The following ARHGAP24 variants were observed in gnomAD, a reference collection of about 807,000 sequenced individuals.
The protein encoded by ARHGAP24 is Rho GTPase activating protein 24.
A neutral mutation model predicts 76.4 loss-of-function variants in ARHGAP24; 50 were observed. That is an observed-to-expected ratio of 0.65 (90% confidence interval 0.52 to 0.83). The LOEUF (loss-of-function observed/expected upper bound fraction) is 0.83. Ranked by LOEUF, ARHGAP24 falls within the 40% of genes least tolerant of loss-of-function variation. The pLI, the probability that ARHGAP24 is intolerant of heterozygous loss-of-function variation, is 0.00. For missense variants in ARHGAP24, 930 were observed against 914.2 expected (o/e 1.02, Z -0.22); for synonymous variants, 345 against 323.3 (o/e 1.07, Z -0.72).
chr4:85,492,443 A>G (rs1175014919), intron 1 of ARHGAP24, among the ~76,000 whole-genome samples: 1 of 152,160 alleles, frequency 6.6e-6, no homozygotes, highest in East Asian at 1.9e-4. Flanking sequence ...GGAAATGTAA[A>G]ACCAGATAAG....
chr4:85,504,610 C>T (rs1288829384), intron 1 of ARHGAP24, among the ~76,000 whole-genome samples: 17 of 152,172 alleles, frequency 1.1e-4, no homozygotes, highest in East Asian at 7.7e-4. Context: ...AGCCTATGTG[C>T]GTCTCTGCAC....
intron 2 of ARHGAP24, among the ~76,000 whole-genome samples, chr4:85,636,652 AC>A (rs1721318534): frequency 6.6e-6 from 1 of 151,636 alleles, no homozygotes. Context: ...ACTTATCCTC[AC>A]CCTCTGAAAA....
chr4:85,725,401 G>A (rs1208307370), intron 3 of ARHGAP24, among the ~76,000 whole-genome samples: 1 of 152,164 alleles, frequency 6.6e-6, no homozygotes, highest in Non-Finnish European at 1.5e-5. Context: ...CTGTTGCATA[G>A]GACCTTTTCT....
intron 1 of ARHGAP24, among the ~76,000 whole-genome samples, chr4:85,555,394 G>A (rs1481653765): frequency 2.0e-5 from 3 of 152,220 alleles, no homozygotes; most frequent in African/African-American, 7.2e-5. Flanking sequence ...GTTTCACAGT[G>A]TGGGCAGAAG....
chr4:85,741,369 T>C (rs1169453058), intron 3 of ARHGAP24, among the ~76,000 whole-genome samples: 4 of 152,196 alleles, frequency 2.6e-5, no homozygotes, highest in African/African-American at 9.7e-5. Flanking sequence ...AAAGGGAGGG[T>C]TTTAAAATAA....
rs545312707 is a variant in ARHGAP24, at chr4:85,490,346, G to C, written c.-21+14787G>C. On this transcript the variant is annotated intron_variant, in intron 1 of 9. Transcript: ENST00000395184. ...AGAACAATTTAAGACTGTGTTTACA[G>C]GCTTGGAGGCAGTCAGCAGAGGCCT... Among the ~76,000 whole-genome samples, 21 of 152,274 alleles carry C rather than the reference G, an allele frequency of 1.4e-4. No individual in the cohort carries two copies. The South Asian group carries it at 3.9e-3, about 29-fold the overall frequency.
At chr4:85,506,688 C>T (rs1476999672) in intron 1 of ARHGAP24, among the ~76,000 whole-genome samples, 1 of 152,192 alleles carries the variant, frequency 6.6e-6, no homozygotes, top group African/African-American at 2.4e-5. Context: ...ATCCACCAAC[C>T]CCTTGCACTT....
At chr4:85,711,188 A>G (rs1156262146) in intron 2 of ARHGAP24, among the ~76,000 whole-genome samples, 1 of 152,110 alleles carries the variant, frequency 6.6e-6, no homozygotes, top group Non-Finnish European at 1.5e-5. Flanking sequence ...AGCACCAGCT[A>G]AATGATGAGA....
At chr4:85,739,092 C>T (rs1010456599) in intron 3 of ARHGAP24, among the ~76,000 whole-genome samples, 24 of 152,168 alleles carry the variant, frequency 1.6e-4, no homozygotes, top group African/African-American at 5.1e-4. Flanking sequence ...CACCTGACTC[C>T]TCTGTTGACT....
In ARHGAP24 at chr4:86,000,939, G is replaced by A. The variant is rs1217554233; in HGVS notation, c.*217G>A. On this transcript the variant is annotated 3_prime_UTR_variant, in exon 10 of 10. Transcript: ENST00000395184. ...TGTCAAGTGTTACAACTGGATATGTGTATATAGAGTAGTTTTTCAAAAGTA... is the reference window on the plus strand; with the variant it reads ...TGTCAAGTGTTACAACTGGATATGTATATATAGAGTAGTTTTTCAAAAGTA... 7 of 607,054 alleles carry A rather than the reference G, an allele frequency of 1.2e-5. No individual in the cohort carries two copies. The highest frequency in any genetic ancestry group is 1.9e-5 in the Non-Finnish European group (7 of 364,838). 37.6% of individuals were successfully genotyped at this position (607,054 alleles called of 1,614,324 possible).
rs1162698028 is a variant in ARHGAP24, at chr4:85,884,360, A to C, written c.269-39288A>C. 2.0e-5 allele frequency among the ~76,000 whole-genome samples: 3 copies of C among 152,292 alleles called. No homozygotes were observed. In the East Asian group the frequency reaches 5.8e-4, roughly 29 times the overall value. ...GACTTTAAAGACCAATGGGACAGTA[A>C]ACCACTTCAAAGCCTGTCTTTTAAT... On this transcript the variant is annotated intron_variant, in intron 3 of 9. Coordinates refer to ENST00000395184, the MANE Select transcript of ARHGAP24 (RefSeq NM_001025616.3).
intron 3 of ARHGAP24, among the ~76,000 whole-genome samples, chr4:85,726,433 C>G (rs763972834): frequency 5.3e-5 from 8 of 152,178 alleles, no homozygotes; most frequent in Non-Finnish European, 1.5e-5. Context: ...AACACCTGCC[C>G]TGCAACGCTG....
intron 2 of ARHGAP24, among the ~76,000 whole-genome samples, chr4:85,710,898 T>A (rs1441404216): frequency 6.6e-6 from 1 of 152,096 alleles, no homozygotes; most frequent in Admixed American, 6.6e-5. Context: ...ATCCCATTAC[T>A]GTGTATGTAC....
intron 3 of ARHGAP24, among the ~76,000 whole-genome samples, chr4:85,753,634 C>T (rs886136511): frequency 6.6e-6 from 1 of 152,168 alleles, no homozygotes; most frequent in African/African-American, 2.4e-5. Flanking sequence ...TTCCTCAAAT[C>T]CTTGTCTGTT....
chr4:85,582,656 A>G (rs542559755), intron 2 of ARHGAP24, among the ~76,000 whole-genome samples: 1 of 152,228 alleles, frequency 6.6e-6, no homozygotes, highest in East Asian at 1.9e-4. Context: ...AATATCCAAA[A>G]AGTGTACAAT....
At chr4:85,975,536 A>C (rs1739267678) in intron 7 of ARHGAP24, 1 of 152,960 alleles carries the variant, frequency 6.5e-6, no homozygotes, top group African/African-American at 2.4e-5. Flanking sequence ...TTAGAAAAAT[A>C]ATTGTGCCAG....
At chr4:85,956,389 C>T (rs1357141421) in intron 5 of ARHGAP24, among the ~76,000 whole-genome samples, 1 of 152,200 alleles carries the variant, frequency 6.6e-6, no homozygotes, top group African/African-American at 2.4e-5. Context: ...AAACTTCTCT[C>T]ATTCACATAC....
chr4:85,551,692 C>G (rs1254472165), intron 1 of ARHGAP24, among the ~76,000 whole-genome samples: 3 of 152,068 alleles, frequency 2.0e-5, no homozygotes, highest in African/African-American at 7.2e-5. Context: ...ATTACCGATT[C>G]AATTTTGGAA....
chr4:85,676,660 G>A (rs897514350), intron 2 of ARHGAP24, among the ~76,000 whole-genome samples: 1 of 152,112 alleles, frequency 6.6e-6, no homozygotes, highest in Non-Finnish European at 1.5e-5. Context: ...TATTCACAGT[G>A]CACATTTTAG....
Sources: allele counts gnomAD v4.1 joint callset (sites outside exome capture counted in the v4.1 genomes callset), GRCh38; gene constraint gnomAD v4.1.1; transcripts MANE v1.5; gene names NCBI Gene and HGNC (gene_info 2026-07-23, HGNC 2026-07-21).